Variants in CLIC5 observed in about 807,000 individuals in gnomAD.
CLIC5 encodes the protein CLIC family member 5.
In CLIC5, 20 loss-of-function variants were observed where a neutral mutation model predicts 24.7. The ratio of observed to expected loss-of-function variants is 0.81; its 90% CI spans 0.57 to 1.18. CLIC5 has a LOEUF of 1.18. Ranked by LOEUF, CLIC5 falls within the 50% of genes most tolerant of loss-of-function variation. The probability of loss-of-function intolerance (pLI) is 0.00; values close to 1 mark genes in which losing one functional copy is unlikely to be tolerated. For synonymous variants in CLIC5, 159 were observed against 135.6 expected (o/e 1.17, Z -1.20); for missense variants, 341 against 326.1 (o/e 1.05, Z -0.35).
intron 1 of CLIC5, among the ~76,000 whole-genome samples, chr6:46,070,349 T>TAA (rs1762559366): frequency 6.6e-6 from 1 of 152,178 alleles, no homozygotes; most frequent in Non-Finnish European, 1.5e-5. Flanking sequence ...AAAAGCTCCT[T>TAA]AAGCTAGTAA....
At chr6:45,946,710 C>A (rs1250201358) in intron 3 of CLIC5, among the ~76,000 whole-genome samples, 1 of 152,172 alleles carries the variant, frequency 6.6e-6, no homozygotes, top group Non-Finnish European at 1.5e-5. Context: ...CAGCAGGTCT[C>A]TATGGGGCTG....
chr6:45,939,415 C>T (rs1236627806), intron 4 of CLIC5, among the ~76,000 whole-genome samples: 1 of 151,746 alleles, frequency 6.6e-6, no homozygotes, highest in Non-Finnish European at 1.5e-5. Flanking sequence ...GGGTCTCAGA[C>T]TCCTGACCTC....
the CLIC5 span, among the ~76,000 whole-genome samples, chr6:46,114,398 A>T: frequency 6.6e-6 from 1 of 152,218 alleles, no homozygotes; most frequent in East Asian, 1.9e-4. Flanking sequence ...ATGGGATAGC[A>T]GTCAAACCTA....
chr6:46,071,916 G>T lies in CLIC5; in HGVS notation c.540+7787C>A, dbSNP rs571449698. 9.9e-4 allele frequency among the ~76,000 whole-genome samples: 150 copies of T among 152,144 alleles called. 1 individual carries two copies. The highest frequency in any genetic ancestry group is 3.5e-3 in the African/African-American group (146 of 41,516). On this transcript the variant is annotated intron_variant, in intron 1 of 5. Coordinates refer to the CLIC5 transcript ENST00000185206. Reference sequence around the variant, plus strand: ...GAATACTATGCAACCATAAAAGAACGAGATCATGTTCTTTGCAGGAACATG... The same window carrying T: ...GAATACTATGCAACCATAAAAGAACTAGATCATGTTCTTTGCAGGAACATG...
At chr6:45,911,539 G>A in intron 5 of CLIC5, 1 of 898,902 alleles carries the variant, frequency 1.1e-6, no homozygotes, top group Non-Finnish European at 1.3e-6. Flanking sequence ...ATTTATCAGA[G>A]TGGATGAAAA....
chr6:45,991,652 G>A (rs1223675375), intron 1 of CLIC5, among the ~76,000 whole-genome samples: 1 of 152,204 alleles, frequency 6.6e-6, no homozygotes, highest in Non-Finnish European at 1.5e-5. Flanking sequence ...CCTAGAGACA[G>A]GCTTGTATTG....
intron 1 of CLIC5, among the ~76,000 whole-genome samples, chr6:46,007,354 G>T (rs748368224): frequency 6.6e-6 from 1 of 152,162 alleles, no homozygotes; most frequent in Non-Finnish European, 1.5e-5. Flanking sequence ...TCTAGATGTG[G>T]ACACTAACCT....
intron 1 of CLIC5, among the ~76,000 whole-genome samples, chr6:46,007,529 T>C (rs1319602942): frequency 6.6e-6 from 1 of 152,212 alleles, no homozygotes; most frequent in African/African-American, 2.4e-5. Flanking sequence ...TCACTTGGCC[T>C]CCTGATGGGA....
intron 6 of CLIC5, chr6:45,892,055 A>G (rs1762352418): frequency 6.6e-6 from 1 of 152,132 alleles, no homozygotes. Context: ...TCAACTCACA[A>G]CATTTTTCAT....
At chr6:46,100,725 G>A in the CLIC5 span, among the ~76,000 whole-genome samples, 1 of 152,006 alleles carries the variant, frequency 6.6e-6, no homozygotes, top group African/African-American at 2.4e-5. Context: ...AGAATTATAG[G>A]GGCCAAGGGA....
the CLIC5 span, among the ~76,000 whole-genome samples, chr6:46,095,370 C>T: frequency 1.3e-5 from 2 of 152,192 alleles, no homozygotes; most frequent in African/African-American, 4.8e-5. Context: ...ATAAATTTCC[C>T]AACTTTTATG....
At chr6:46,057,214 T>C (rs1248033487) in intron 1 of CLIC5, among the ~76,000 whole-genome samples, 1 of 152,202 alleles carries the variant, frequency 6.6e-6, no homozygotes, top group African/African-American at 2.4e-5. Context: ...AGAATTCCCA[T>C]GTGTTGTGGG....
Position 45,976,460 on chromosome 6 carries a change from T to C in CLIC5, c.64-21216A>G, listed in dbSNP as rs944826936. ...AAGGTCCCTGGAAAACTGGGATGAG[T>C]TGGTCACTCTATGTACATGCATTTC... On this transcript the variant is annotated intron_variant, in intron 1 of 5. Coordinates refer to ENST00000339561, the MANE Select transcript of CLIC5 (RefSeq NM_016929.5). 5.3e-5 allele frequency among the ~76,000 whole-genome samples: 8 copies of C among 152,124 alleles called. 1 individual carries two copies. The highest frequency in any genetic ancestry group is 2.1e-4 in the South Asian group (1 of 4,828).
chr6:46,042,049 C>T (rs1376667024), intron 1 of CLIC5, among the ~76,000 whole-genome samples: 2 of 152,124 alleles, frequency 1.3e-5, no homozygotes, highest in East Asian at 3.8e-4. Context: ...TGATTTTTGA[C>T]TTGCTGTGAC....
chr6:46,007,733 G>C (rs1012102917), intron 1 of CLIC5, among the ~76,000 whole-genome samples: 10 of 152,228 alleles, frequency 6.6e-5, no homozygotes, highest in African/African-American at 2.4e-4. Flanking sequence ...GAGAAGGTCA[G>C]ACTGGATGAC....
rs957726197 is a variant in CLIC5, at chr6:45,900,930, G to A, written c.*2158C>T. The A allele has an allele frequency of 2.0e-5, 3 of 152,198 alleles. No individual in the cohort carries two copies. Among genetic ancestry groups the A allele is most frequent in the Non-Finnish European group, 4.4e-5 (3 of 68,046 alleles). 9.4% of individuals were successfully genotyped at this position (152,198 alleles called of 1,614,324 possible). ...ATTCTGCAGACTTCTCTGGGGTGGA[G>A]TGGCCTCACCGGAGGCTTGGTTCTG... On this transcript the variant is annotated 3_prime_UTR_variant, in exon 6 of 6. Coordinates refer to ENST00000339561, the MANE Select transcript of CLIC5 (RefSeq NM_016929.5).
At chr6:46,069,792 T>C (rs962145664) in intron 1 of CLIC5, among the ~76,000 whole-genome samples, 2 of 152,200 alleles carry the variant, frequency 1.3e-5, no homozygotes, top group East Asian at 3.9e-4. Flanking sequence ...CAGGCCAATA[T>C]CTATGATGAA....
chr6:46,047,045 T>G (rs940235061), intron 1 of CLIC5, among the ~76,000 whole-genome samples: 1 of 152,204 alleles, frequency 6.6e-6, no homozygotes, highest in Non-Finnish European at 1.5e-5. Flanking sequence ...AGTGTTCACA[T>G]GATTTATTTT....
chr6:46,088,995 G>A, the CLIC5 span, among the ~76,000 whole-genome samples: 2 of 152,072 alleles, frequency 1.3e-5, no homozygotes, highest in South Asian at 4.2e-4. Flanking sequence ...TGTTTTGCAT[G>A]GTGCCTTAAG....
Sources: allele counts gnomAD v4.1 joint callset (sites outside exome capture counted in the v4.1 genomes callset), GRCh38; gene constraint gnomAD v4.1.1; transcripts MANE v1.5; gene names NCBI Gene and HGNC (gene_info 2026-07-23, HGNC 2026-07-21).